The following GALNTL6 variants were observed in gnomAD, a reference collection of about 807,000 sequenced individuals.
GALNTL6 encodes polypeptide N-acetylgalactosaminyltransferase like 6, also known as polypeptide N-acetylgalactosaminyltransferase-like 6.
In GALNTL6, 46 loss-of-function variants were observed where a neutral mutation model predicts 73.7. That is an observed-to-expected ratio of 0.62 (90% confidence interval 0.49 to 0.80). The LOEUF (loss-of-function observed/expected upper bound fraction) is 0.80, where lower values mean the gene tolerates loss of function less well. GALNTL6 is among the 30% of genes least tolerant of loss of function. GALNTL6 has a pLI of 0.00. For synonymous variants in GALNTL6, 259 were observed against 263.7 expected (o/e 0.98, Z 0.17); for missense variants, 604 against 755.0 (o/e 0.80, Z 2.34).
At chr4:172,205,828 G>C (rs557691975) in intron 2 of GALNTL6, among the ~76,000 whole-genome samples, 35 of 152,266 alleles carry the variant, frequency 2.3e-4, no homozygotes, top group African/African-American at 8.2e-4. Flanking sequence ...GGAAATCTTT[G>C]TTCCGGAGAT....
At chr4:171,981,585 T>TG (rs1739896442) in intron 2 of GALNTL6, among the ~76,000 whole-genome samples, 1 of 152,186 alleles carries the variant, frequency 6.6e-6, no homozygotes, top group Admixed American at 6.5e-5. Flanking sequence ...CTTAGTGATT[T>TG]GGGGGTCTGA....
At chr4:172,470,670 ACTT>A (rs1298205512) in intron 5 of GALNTL6, among the ~76,000 whole-genome samples, 1 of 152,186 alleles carries the variant, frequency 6.6e-6, no homozygotes, top group Admixed American at 6.5e-5. Context: ...AAGCCTTACT[ACTT>A]GTTAAAAAAA....
At chr4:171,902,454 C>T (rs567070049) in intron 2 of GALNTL6, among the ~76,000 whole-genome samples, 1 of 152,216 alleles carries the variant, frequency 6.6e-6, no homozygotes, top group East Asian at 1.9e-4. Context: ...TGATGACAGG[C>T]GAGGACATTC....
In GALNTL6 at chr4:172,817,337, G is replaced by A. The variant is rs150701081; in HGVS notation, c.923+3614G>A. Among the ~76,000 whole-genome samples, 517 of 152,088 alleles carry A rather than the reference G, an allele frequency of 3.4e-3. 2 individuals carry two copies. The highest frequency in any genetic ancestry group is 0.014 in the Middle Eastern group (4 of 294). On this transcript the variant is annotated intron_variant, in intron 7 of 12. Transcript: ENST00000506823. ...TCCCAGCTACTTGGGAAGCTGAGGTGGGAGGATCACCTAAGCCTAAGAAGT... is the reference window on the plus strand; with the variant it reads ...TCCCAGCTACTTGGGAAGCTGAGGTAGGAGGATCACCTAAGCCTAAGAAGT...
intron 5 of GALNTL6, among the ~76,000 whole-genome samples, chr4:172,587,496 A>G (rs1314162480): frequency 6.6e-6 from 1 of 152,204 alleles, no homozygotes; most frequent in Non-Finnish European, 1.5e-5. Context: ...GAATAAAATC[A>G]GAACTCCTTG....
chr4:171,948,960 TATACACACACAC>T (rs1560854593), intron 2 of GALNTL6, among the ~76,000 whole-genome samples: 1 of 133,092 alleles, frequency 7.5e-6, no homozygotes, highest in East Asian at 2.3e-4. Flanking sequence ...GCCATATATA[TATACACACACAC>T]ACACACACAC....
At position 172,301,099 on chromosome 4, in the gene GALNTL6, C is replaced by T. The variant is rs139558783; in HGVS notation, c.248-10515C>T. On this transcript the variant is annotated intron_variant, in intron 3 of 12. Coordinates refer to ENST00000506823, the MANE Select transcript of GALNTL6 (RefSeq NM_001034845.3). ...TCTTTTTTCTCTAAACTTCTCTTCTCTCTTCATTTCATTCATTTGATCTTC... is the reference window on the plus strand; with the variant it reads ...TCTTTTTTCTCTAAACTTCTCTTCTTTCTTCATTTCATTCATTTGATCTTC... Among the ~76,000 whole-genome samples, 1,062 of 152,276 alleles carry T rather than the reference C, an allele frequency of 7.0e-3. 8 individuals carry two copies. Among genetic ancestry groups the T allele is most frequent in the Non-Finnish European group, 0.012 (833 of 68,024 alleles).
At chr4:172,771,479 T>G (rs1579459944) in intron 5 of GALNTL6, among the ~76,000 whole-genome samples, 1 of 152,248 alleles carries the variant, frequency 6.6e-6, no homozygotes, top group African/African-American at 2.4e-5. Flanking sequence ...AGTACAATAC[T>G]TTAATTCATT....
intron 5 of GALNTL6, among the ~76,000 whole-genome samples, chr4:172,489,654 C>T (rs1733826443): frequency 6.6e-6 from 1 of 152,088 alleles, no homozygotes; most frequent in Non-Finnish European, 1.5e-5. Flanking sequence ...CATTATTTTT[C>T]TAAATGTATA....
At chr4:172,587,780 G>T (rs578093375) in intron 5 of GALNTL6, among the ~76,000 whole-genome samples, 1 of 152,226 alleles carries the variant, frequency 6.6e-6, no homozygotes, top group Non-Finnish European at 1.5e-5. Context: ...TGTGTGTCTG[G>T]GTGATGCAAG....
At chr4:172,029,452 A>C (rs12504133) in intron 2 of GALNTL6, among the ~76,000 whole-genome samples, 5,047 of 152,104 alleles carry the variant, frequency 0.033, 189 homozygotes, top group East Asian at 0.091. Flanking sequence ...ATACTGATCT[A>C]TATGGTCTTG....
chr4:172,998,754 G>A (rs1376357533), intron 10 of GALNTL6, among the ~76,000 whole-genome samples: 2 of 152,006 alleles, frequency 1.3e-5, no homozygotes, highest in Non-Finnish European at 2.9e-5. Flanking sequence ...GCTTCTTTAT[G>A]ATTTCTTCTT....
chr4:172,561,928 TAAG>T (rs956851025), intron 5 of GALNTL6, among the ~76,000 whole-genome samples: 3 of 152,156 alleles, frequency 2.0e-5, no homozygotes, highest in African/African-American at 7.2e-5. Context: ...TGAATAGTAA[TAAG>T]AAGTATAGGT....
chr4:172,105,246 T>C (rs898904655), intron 2 of GALNTL6, among the ~76,000 whole-genome samples: 5 of 151,948 alleles, frequency 3.3e-5, no homozygotes, highest in Admixed American at 1.3e-4. Context: ...TGAGACTCAA[T>C]AGAGTAAATG....
At position 171,857,090 on chromosome 4, in the gene GALNTL6, G is replaced by A. The variant is rs552816477; in HGVS notation, c.138+42372G>A. Among the ~76,000 whole-genome samples, 5 of 152,118 alleles carry A rather than the reference G, an allele frequency of 3.3e-5. No homozygotes were observed. In the South Asian group the frequency reaches 1.0e-3, roughly 32 times the overall value. ...AATACAAGCATGAAAATAAGTAGAG[G>A]TACATTGCATATTATAAATCTCCTG... On this transcript the variant is annotated intron_variant, in intron 2 of 12. Coordinates refer to ENST00000506823, the MANE Select transcript of GALNTL6 (RefSeq NM_001034845.3).
chr4:172,054,745 C>T (rs1180876948), intron 2 of GALNTL6, among the ~76,000 whole-genome samples: 1 of 152,050 alleles, frequency 6.6e-6, no homozygotes, highest in Non-Finnish European at 1.5e-5. Context: ...CAAAAGTAAC[C>T]GTATTCAATA....
At chr4:172,578,157 G>A (rs1201928531) in intron 5 of GALNTL6, among the ~76,000 whole-genome samples, 1 of 152,030 alleles carries the variant, frequency 6.6e-6, no homozygotes, top group Non-Finnish European at 1.5e-5. Context: ...GGTAAAAATT[G>A]TTATCTGATG....
chr4:172,337,975 T>TA (rs941037085), intron 4 of GALNTL6, among the ~76,000 whole-genome samples: 82 of 149,570 alleles, frequency 5.5e-4, no homozygotes, highest in African/African-American at 1.6e-3. Context: ...TTTTCTAATT[T>TA]AAAAAAAAAA....
chr4:172,934,959 C>T (rs1748530536), intron 9 of GALNTL6, among the ~76,000 whole-genome samples: 1 of 152,168 alleles, frequency 6.6e-6, no homozygotes, highest in South Asian at 2.1e-4. Flanking sequence ...GGGGACAGTC[C>T]ACAAACTCCT....
Sources: allele counts gnomAD v4.1 joint callset (sites outside exome capture counted in the v4.1 genomes callset), GRCh38; gene constraint gnomAD v4.1.1; transcripts MANE v1.5; gene names NCBI Gene and HGNC (gene_info 2026-07-23, HGNC 2026-07-21).